SORL1: variants seen among roughly 807,000 people sequenced by gnomAD.
The protein encoded by SORL1 is sortilin-related receptor.
Under a neutral mutation model 273.7 loss-of-function variants are expected in SORL1, and 127 were observed. The observed-to-expected ratio is 0.46, with a 90% CI of 0.40 to 0.54. The LOEUF is 0.54. SORL1 is among the 20% of genes least tolerant of loss of function. SORL1 has a pLI of 0.00. For missense variants in SORL1, 2,494 were observed against 2,846.1 expected (o/e 0.88, Z 2.81); for synonymous variants, 1,031 against 1,067.4 (o/e 0.97, Z 0.66).
intron 8 of SORL1, 80 bp downstream of exon 8, chr11:121,514,401 C>A: frequency 1.5e-6 from 2 of 1,368,912 alleles, no homozygotes; most frequent in Non-Finnish European, 9.9e-7. Context: ...TGGTTTTCAA[C>A]ATTAGCTGCC....
intron 3 of SORL1, among the ~76,000 whole-genome samples, chr11:121,480,690 T>A (rs1295957001): frequency 6.8e-6 from 1 of 146,324 alleles, no homozygotes; most frequent in African/African-American, 2.6e-5. Context: ...CAGATACCTA[T>A]AGGCAGGCTC....
intron 6 of SORL1, among the ~76,000 whole-genome samples, chr11:121,506,571 T>C (rs1318143477): frequency 6.6e-6 from 1 of 152,206 alleles, no homozygotes; most frequent in Non-Finnish European, 1.5e-5. Flanking sequence ...CATGGTTCAG[T>C]TACCTCCCAC....
chr11:121,506,640 A>T (rs762001401), intron 6 of SORL1, among the ~76,000 whole-genome samples: 58 of 152,214 alleles, frequency 3.8e-4, no homozygotes, highest in Non-Finnish European at 8.8e-5. Context: ...GACACAGCCA[A>T]ACCATATCAC....
At chr11:121,579,323 G>A (rs1862980469) in intron 25 of SORL1, among the ~76,000 whole-genome samples, 1 of 152,192 alleles carries the variant, frequency 6.6e-6, no homozygotes, top group African/African-American at 2.4e-5. Context: ...TCATGGTGAT[G>A]TGTGGCATGA....
intron 1 of SORL1, among the ~76,000 whole-genome samples, chr11:121,466,281 T>C (rs1304384659): frequency 1.3e-5 from 2 of 151,974 alleles, no homozygotes; most frequent in African/African-American, 4.8e-5. Context: ...TCCCACCCAC[T>C]CCCAGGCCAG....
intron 2 of SORL1, among the ~76,000 whole-genome samples, chr11:121,477,322 G>A (rs1448716679): frequency 6.6e-6 from 1 of 152,102 alleles, no homozygotes; most frequent in Non-Finnish European, 1.5e-5. Context: ...CTTCTCTTTT[G>A]TATGGAATGC....
At chr11:121,629,368 C>T in intron 47 of SORL1, 128 bp from the exon 48 acceptor site, 2 of 622,720 alleles carry the variant, frequency 3.2e-6, no homozygotes, top group Non-Finnish European at 5.9e-6. Flanking sequence ...ATGGTGGCTG[C>T]CTGGCTATGG....
chr11:121,460,146 C>T (rs577104200), intron 1 of SORL1, among the ~76,000 whole-genome samples: 1 of 152,252 alleles, frequency 6.6e-6, no homozygotes, highest in Admixed American at 6.5e-5. Context: ...TGTTTATTAT[C>T]TCCCCCCCTT....
At position 121,567,073 on chromosome 11, in the gene SORL1, T is replaced by G; in HGVS notation, c.3183T>G (p.Pro1061=). ...LPSGDLMCDC[P]QGYQLKNNTC... ...CAGGGGACCTGATGTGTGACTGCCC[T>G]CAGGGCTATCAGCTCAAGAACAATA... The change falls in exon 22 of 48, where the codon CCT becomes CCG. Residue 1061 remains proline (P), a synonymous_variant. Transcript: ENST00000260197. 1 of 1,614,128 alleles carries G rather than the reference T, an allele frequency of 6.2e-7. No individual in the cohort carries two copies. The highest frequency in any genetic ancestry group is 8.5e-7 in the Non-Finnish European group (1 of 1,179,954).
At chr11:121,621,311 C>T in intron 44 of SORL1, 73 bp downstream of exon 44, 1 of 1,348,118 alleles carries the variant, frequency 7.4e-7, no homozygotes. Flanking sequence ...CCTCCAGAGA[C>T]AGACTTTTCA....
intron 12 of SORL1, among the ~76,000 whole-genome samples, chr11:121,534,334 A>G (rs1405179459): frequency 6.6e-6 from 1 of 152,176 alleles, no homozygotes; most frequent in East Asian, 1.9e-4. Flanking sequence ...GTCGGTGCAT[A>G]TGTGCTCAGG....
In SORL1 at chr11:121,531,518, AATTT is replaced by A. The variant is rs563108650; in HGVS notation, c.1597-945_1597-942del. Among the ~76,000 whole-genome samples the A allele has an allele frequency of 9.8e-5, 15 of 152,320 alleles. No individual in the cohort carries two copies. In the South Asian group the frequency reaches 3.1e-3, roughly 32 times the overall value. ...TATGTTTGTATGCTGTATGTTAAGT[AATTT>A]TGGTTTGTATTCTGCACATATGAAT... On this transcript the variant is annotated intron_variant, in intron 11 of 47. Transcript: ENST00000260197.
chr11:121,517,755 C>T (rs1462354739), intron 8 of SORL1, among the ~76,000 whole-genome samples: 1 of 152,158 alleles, frequency 6.6e-6, no homozygotes, highest in Admixed American at 6.5e-5. Flanking sequence ...AGGCCAACGT[C>T]CCACTCAGTT....
chr11:121,535,575 T>C (rs1862256223), intron 12 of SORL1, among the ~76,000 whole-genome samples: 1 of 151,912 alleles, frequency 6.6e-6, no homozygotes, highest in Admixed American at 6.6e-5. Flanking sequence ...ATTTTACTCA[T>C]CTTTAGGGAG....
intron 5 of SORL1, among the ~76,000 whole-genome samples, chr11:121,491,761 G>A (rs1861556855): frequency 1.3e-5 from 2 of 152,084 alleles, no homozygotes; most frequent in South Asian, 4.1e-4. Context: ...TAGTCTTTCT[G>A]CGTTTACTCT....
At chr11:121,496,410 G>A (rs149336196) in intron 5 of SORL1, among the ~76,000 whole-genome samples, 9 of 152,290 alleles carry the variant, frequency 5.9e-5, no homozygotes, top group African/African-American at 1.2e-4. Context: ...ACAGGGCAGC[G>A]TCACTTGGAA....
chr11:121,622,317 C>A, intron 45 of SORL1, 49 bp downstream of exon 45: 2 of 1,070,124 alleles, frequency 1.9e-6, no homozygotes, highest in Non-Finnish European at 2.9e-6. Flanking sequence ...AATTGAAATG[C>A]TGTTTCAGAG....
At chr11:121,593,424 T>A (rs2134904479) in intron 31 of SORL1, among the ~76,000 whole-genome samples, 1 of 152,326 alleles carries the variant, frequency 6.6e-6, no homozygotes, top group East Asian at 1.9e-4. Context: ...GTCCAGGGAT[T>A]TATCAAGTCC....
At chr11:121,572,137 G>T (rs1591332787) in intron 23 of SORL1, among the ~76,000 whole-genome samples, 1 of 152,242 alleles carries the variant, frequency 6.6e-6, no homozygotes, top group East Asian at 1.9e-4. Context: ...ATATCCAAGA[G>T]TGAGGGACAC....
Sources: allele counts gnomAD v4.1 joint callset (sites outside exome capture counted in the v4.1 genomes callset), GRCh38; gene constraint gnomAD v4.1.1; transcripts MANE v1.5; gene names NCBI Gene and HGNC (gene_info 2026-07-23, HGNC 2026-07-21).